The following SFTPB variants were observed in gnomAD, a reference collection of about 807,000 sequenced individuals.
The protein encoded by SFTPB is pulmonary surfactant-associated protein B.
SFTPB carries 32 observed loss-of-function variants against 51.0 expected under a neutral mutation model. The observed-to-expected ratio is 0.63, with a 90% CI of 0.47 to 0.84. The LOEUF (loss-of-function observed/expected upper bound fraction) is 0.84, where lower values mean the gene tolerates loss of function less well. Ranked by LOEUF, SFTPB falls within the 40% of genes least tolerant of loss-of-function variation. SFTPB has a pLI of 0.00. For synonymous variants in SFTPB, 211 were observed against 208.5 expected (o/e 1.01, Z -0.10); for missense variants, 431 against 491.2 (o/e 0.88, Z 1.16).
chr2:85,666,865 G>T, intron 3 of SFTPB, 123 bp from the exon 4 acceptor site: 1 of 1,314,686 alleles, frequency 7.6e-7, no homozygotes, highest in Non-Finnish European at 1.1e-6. Context: ...GAGTTCACGA[G>T]TGCCAAGGAG....
At chr2:85,667,043 C>A in intron 3 of SFTPB, 63 bp downstream of exon 3, 1 of 1,446,408 alleles carries the variant, frequency 6.9e-7, no homozygotes, top group South Asian at 1.1e-5. Flanking sequence ...GGGCTCAGCT[C>A]TTCCCTGCTC....
intron 9 of SFTPB, among the ~76,000 whole-genome samples, 186 bp from the exon 10 acceptor site, chr2:85,661,721 T>G (rs1677309858): frequency 6.6e-6 from 1 of 152,102 alleles, no homozygotes; most frequent in African/African-American, 2.4e-5. Context: ...GGAGGTGAGA[T>G]GTTCACTCCA....
chr2:85,660,438 A>G (rs1256582480), intron 10 of SFTPB, among the ~76,000 whole-genome samples: 1 of 134,256 alleles, frequency 7.4e-6, no homozygotes, highest in Non-Finnish European at 1.6e-5. Context: ...CCCAGCAAAG[A>G]AATACCTTTT....
rs1442866526 is a variant in SFTPB, at chr2:85,663,467, G to A, written c.881C>T (p.Pro294Leu). ...GCAGAGGTGGCACTCAGAGTCTCGC[G>A]GCAGCCATTCTCCTGTCGGCGACCC... The part of the protein sequence containing the change: ...GPRSPTGEWL[P>L]RDSECHLCMS... Residue 294 changes from proline (P) to leucine (L), a missense_variant, in exon 8 of 11, where the codon CCG (proline) becomes CTG (leucine). By Grantham distance (98) the Pro-to-Leu change is moderately conservative. Transcript: ENST00000519937. 4 of 1,613,958 alleles carry A rather than the reference G, an allele frequency of 2.5e-6. No homozygotes were observed. The highest frequency in any genetic ancestry group is 2.5e-6 in the Non-Finnish European group (3 of 1,180,014).
Position 85,666,596 on chromosome 2 carries a change from AG to A in SFTPB, c.393+20del. 6.2e-7 allele frequency: 1 copy of A among 1,611,642 alleles called. No individual in the cohort carries two copies. The highest frequency in any genetic ancestry group is 8.5e-7 in the Non-Finnish European group (1 of 1,179,072). ...GGGCCTGCGTGGGGAGGCAGGCAGG[AG>A]GTGAGCTTGCAGCCCTCACAGTCTG... is the stretch of plus-strand genomic sequence containing the variant. On this transcript the variant is annotated intron_variant, in intron 4 of 10. Transcript: ENST00000519937.
chr2:85,665,845 C>A, intron 4 of SFTPB, 51 bp from the exon 5 acceptor site: 1 of 1,583,470 alleles, frequency 6.3e-7, no homozygotes, highest in East Asian at 2.2e-5. Context: ...GGAAGCCCAC[C>A]CCTATTCAGG....
In SFTPB at chr2:85,665,863, A is replaced by G. The variant is rs1429014930; in HGVS notation, c.394-69T>C. On this transcript the variant is annotated intron_variant, in intron 4 of 10. Coordinates refer to ENST00000519937, the MANE Select transcript of SFTPB (RefSeq NM_000542.5). ...AGCCCACCCCTATTCAGGCCGGCCC[A>G]AGGGCTCAGGGACCACTGGAATGGG... 5.4e-6 allele frequency: 8 copies of G among 1,483,084 alleles called. No individual in the cohort carries two copies. In the Admixed American group the frequency reaches 8.6e-5, roughly 16 times the overall value. 91.9% of individuals were successfully genotyped at this position (1,483,084 alleles called of 1,614,324 possible).
Position 85,665,334 on chromosome 2 carries a change from C to G in SFTPB, c.627G>C (p.Trp209Cys). ...TCCGCTTGATCAGAGCCCTGCAGAGCCAGCAATAGGGGAGAGGAATGGGGA... is the reference window on the plus strand; with the variant it reads ...TCCGCTTGATCAGAGCCCTGCAGAGGCAGCAATAGGGGAGAGGAATGGGGA... Reference protein sequence around the residue: ...QQFPIPLPYCWLCRALIKRIQ... With the variant: ...QQFPIPLPYCCLCRALIKRIQ... The change falls in exon 6 of 11, where the codon TGG (tryptophan) becomes TGC (cysteine). Residue 209 changes from tryptophan (W) to cysteine (C), a missense_variant. Trp to Cys is a radical substitution (Grantham distance 215, BLOSUM62 -2). Transcript: ENST00000519937. The G allele has an allele frequency of 6.2e-7, 1 of 1,614,096 alleles. No individual in the cohort carries two copies. The highest frequency in any genetic ancestry group is 8.5e-7 in the Non-Finnish European group (1 of 1,179,998).
chr2:85,666,215 C>CTGTGTG (rs34530476), intron 4 of SFTPB, among the ~76,000 whole-genome samples: 3,683 of 96,344 alleles, frequency 0.038, 180 homozygotes, highest in Admixed American at 0.12. Context: ...TGTGTGTGTG[C>CTGTGTG]TGTGTGTGTG....
At chr2:85,665,822 T>A in intron 4 of SFTPB, 28 bp from the exon 5 acceptor site, 2 of 1,612,128 alleles carry the variant, frequency 1.2e-6, no homozygotes, top group Non-Finnish European at 8.5e-7. Context: ...GTGGGAGTGT[T>A]AGGGTCTGGG....
chr2:85,663,964 G>A, intron 6 of SFTPB, 117 bp from the exon 7 acceptor site: 1 of 981,884 alleles, frequency 1.0e-6, no homozygotes, highest in East Asian at 2.6e-5. Flanking sequence ...CTAGAAGGGA[G>A]GGCAAGGCTA....
Position 85,663,333 on chromosome 2 carries a change from G to T in SFTPB, c.1002+13C>A. On this transcript the variant is annotated intron_variant, in intron 8 of 10. Coordinates refer to ENST00000519937, the MANE Select transcript of SFTPB (RefSeq NM_000542.5). ...GGGCCCTGACCATGAGTCCCCATGT[G>T]CCCAGCCCATACCTTTTCCCTGTCC... The T allele has an allele frequency of 6.2e-7, 1 of 1,609,142 alleles. No individual in the cohort carries two copies. The highest frequency in any genetic ancestry group is 1.3e-5 in the African/African-American group (1 of 75,040).
rs1016954541 is a variant in SFTPB, at chr2:85,667,316, C to T, written c.196-139G>A. The T allele has an allele frequency of 6.0e-5, 43 of 720,856 alleles. No homozygotes were observed. In the Admixed American group the frequency reaches 6.3e-4, roughly 11 times the overall value. 44.7% of individuals were successfully genotyped at this position (720,856 alleles called of 1,614,324 possible). ...TGCCCACCAGCCCAACTTGTCCCAT[C>T]TCATCCATATCAATTTATCCCATCC... On this transcript the variant is annotated intron_variant, in intron 2 of 10. Transcript: ENST00000519937.
intron 2 of SFTPB, 133 bp downstream of exon 2, chr2:85,667,546 T>C: frequency 8.7e-7 from 1 of 1,151,684 alleles, no homozygotes; most frequent in Non-Finnish European, 1.3e-6. Context: ...TTTTATCCTA[T>C]CTCATTTCAT....
At chr2:85,668,516 T>C (rs36004885), upstream of SFTPB, among the ~76,000 whole-genome samples, 7 of 152,224 alleles carry the variant, frequency 4.6e-5, no homozygotes, top group African/African-American at 1.7e-4. Context: ...GGAGGGCATC[T>C]GGTTGGGGGC....
chr2:85,661,193 GC>G, intron 10 of SFTPB: 1 of 399,990 alleles, frequency 2.5e-6, no homozygotes, highest in South Asian at 2.2e-5. Flanking sequence ...ACAGGGCAGG[GC>G]GGGGGGTTGG....
chr2:85,665,256 C>T, intron 6 of SFTPB, 33 bp downstream of exon 6: 2 of 1,495,708 alleles, frequency 1.3e-6, no homozygotes, highest in East Asian at 2.3e-5. Context: ...TATGCGTGTG[C>T]TCCTGGGCTC....
chr2:85,663,849 TG>T lies in SFTPB; in HGVS notation c.673-3del. ...GGCCACTGCCACAGCTAGCGCACCC[TG>T]GGGCGGGGGCGGAGAGAGGCCAGCA... On this transcript the variant is annotated splice_region_variant and splice_polypyrimidine_tract_variant and intron_variant, in intron 6 of 10. Transcript: ENST00000519937. 3 of 1,579,854 alleles carry T rather than the reference TG, an allele frequency of 1.9e-6. No homozygotes were observed. Among genetic ancestry groups the T allele is most frequent in the South Asian group, 1.1e-5 (1 of 87,550 alleles).
In SFTPB at chr2:85,665,338, C is replaced by T; in HGVS notation, c.623G>A (p.Cys208Tyr). The change falls in exon 6 of 11, where the codon TGC becomes TAC. Residue 208 changes from cysteine to tyrosine, a missense_variant. Physicochemically the swap from Cys to Tyr is radical, Grantham distance 194. Transcript: ENST00000519937. ...CTTGATCAGAGCCCTGCAGAGCCAG[C>T]AATAGGGGAGAGGAATGGGGAATTG... ...EQQFPIPLPY[C>Y]WLCRALIKRI... 1.2e-6 allele frequency: 2 copies of T among 1,614,090 alleles called. No individual in the cohort carries two copies. The highest frequency in any genetic ancestry group is 1.7e-6 in the Non-Finnish European group (2 of 1,179,986).
Sources: gnomAD v4.1 joint callset for allele counts (sites outside exome capture counted in the v4.1 genomes callset) on GRCh38, gnomAD v4.1.1 for gene constraint, MANE v1.5 for transcripts, NCBI Gene and HGNC (gene_info 2026-07-23, HGNC 2026-07-21) for gene names.